HMCN1: variants seen among roughly 807,000 people sequenced by gnomAD.
The protein encoded by HMCN1 is hemicentin-1.
In HMCN1, 321 loss-of-function variants were observed where a neutral mutation model predicts 625.9. That is an observed-to-expected ratio of 0.51 (90% CI 0.47 to 0.56). HMCN1 has a LOEUF of 0.56. HMCN1 is among the 20% of genes least tolerant of loss of function. The pLI is 0.00. For synonymous variants in HMCN1, 2,425 were observed against 2,417.6 expected (o/e 1.00, Z -0.09); for missense variants, 6,588 against 6,887.3 (o/e 0.96, Z 1.54).
At chr1:186,166,771 T>G (rs758329977) in intron 99 of HMCN1, 37 bp from the exon 100 acceptor site, 1 of 1,614,008 alleles carries the variant, frequency 6.2e-7, no homozygotes, top group Non-Finnish European at 8.5e-7. Context: ...TGGGTGTTCT[T>G]CAGCTCACCT....
At chr1:186,001,459 C>T in intron 27 of HMCN1, 31 bp downstream of exon 27, 3 of 1,610,062 alleles carry the variant, frequency 1.9e-6, no homozygotes, top group Non-Finnish European at 2.5e-6. Context: ...ACGTGTAATT[C>T]CTTGCCTCTG....
chr1:185,913,990 TA>T (rs1666565968), intron 6 of HMCN1, among the ~76,000 whole-genome samples: 1 of 152,046 alleles, frequency 6.6e-6, no homozygotes, highest in South Asian at 2.1e-4. Context: ...AAGGGAACAA[TA>T]AAAAGACACA....
intron 1 of HMCN1, among the ~76,000 whole-genome samples, chr1:185,830,761 G>T (rs532762970): frequency 2.6e-5 from 4 of 152,042 alleles, no homozygotes; most frequent in Non-Finnish European, 5.9e-5. Flanking sequence ...GGTGGTGTGT[G>T]CCTGTAGTCT....
Position 186,189,816 on chromosome 1 carries a change from G to A in HMCN1, c.16846G>A (p.Gly5616Arg). ...RVRASSYSANGTIEYQTTFIV... is the reference protein window; with the variant it reads ...RVRASSYSANRTIEYQTTFIV... ...CCGAGCCTCATCCTACAGTGCCAAT[G>A]GGACCATTGAATATCAGACCACATT... Residue 5616 changes from glycine to arginine, a missense_variant, in exon 107 of 107, where the codon GGG becomes AGG. This residue lies in a region of HMCN1 where 1,954 missense variants were observed against 2,013.1 expected (regional missense o/e 0.97). Transcript: ENST00000271588. The A allele has an allele frequency of 6.2e-7, 1 of 1,613,774 alleles. No individual in the cohort carries two copies. Among genetic ancestry groups the A allele is most frequent in the Non-Finnish European group, 8.5e-7 (1 of 1,179,838 alleles).
chr1:186,009,123 A>C (rs1653826176), intron 30 of HMCN1, among the ~76,000 whole-genome samples: 1 of 152,160 alleles, frequency 6.6e-6, no homozygotes. Flanking sequence ...CAGACTTTTA[A>C]ACAATAGGTG....
At chr1:185,790,165 C>T (rs1195245298) in intron 1 of HMCN1, among the ~76,000 whole-genome samples, 1 of 152,214 alleles carries the variant, frequency 6.6e-6, no homozygotes, top group Non-Finnish European at 1.5e-5. Flanking sequence ...AACTAACAAG[C>T]CCTTCAAACT....
At chr1:186,106,377 A>G (rs1239966494) in intron 69 of HMCN1, among the ~76,000 whole-genome samples, 7 of 152,174 alleles carry the variant, frequency 4.6e-5, no homozygotes, top group Non-Finnish European at 1.5e-5. Context: ...CCTATTTCTC[A>G]TATTACATAA....
chr1:185,940,679 A>T (rs1571589390), intron 11 of HMCN1, among the ~76,000 whole-genome samples: 1 of 152,334 alleles, frequency 6.6e-6, no homozygotes, highest in East Asian at 1.9e-4. Context: ...TTTACTTTTG[A>T]GAAGGCTGGC....
intron 36 of HMCN1, among the ~76,000 whole-genome samples, chr1:186,036,189 G>A (rs1367222936): frequency 2.0e-5 from 3 of 151,764 alleles, no homozygotes; most frequent in Non-Finnish European, 2.9e-5. Flanking sequence ...GTTTTTATTT[G>A]TGCTCCTTAT....
chr1:185,963,344 G>A (rs1052327771), intron 12 of HMCN1, among the ~76,000 whole-genome samples: 3 of 152,028 alleles, frequency 2.0e-5, no homozygotes, highest in African/African-American at 7.2e-5. Flanking sequence ...ACATCTCTAA[G>A]GTTTTCATTG....
At position 186,007,213 on chromosome 1, in the gene HMCN1, G is replaced by A. The variant is rs1228017642; in HGVS notation, c.4561G>A (p.Gly1521Arg). 6.2e-7 allele frequency: 1 copy of A among 1,613,386 alleles called. No homozygotes were observed. The highest frequency in any genetic ancestry group is 8.5e-7 in the Non-Finnish European group (1 of 1,179,590). Residue 1521 changes from glycine (G) to arginine (R), a missense_variant, in exon 30 of 107, where the codon GGG becomes AGG. By Grantham distance (125) the Gly-to-Arg change is moderately radical (BLOSUM62 -2). Coordinates refer to ENST00000271588, the MANE Select transcript of HMCN1 (RefSeq NM_031935.3). The stretch of plus-strand genomic sequence containing the variant: ...AAAGAATGCACGGAGAAATGACAAG[G>A]GGCGCTACCAATGTACTGTGTCTAA... ...HLKNARRNDKGRYQCTVSNAA... is the reference protein window; with the variant it reads ...HLKNARRNDKRRYQCTVSNAA...
rs201254359 is a variant in HMCN1, at chr1:186,119,173, AT to A, written c.11849-10del. 376 of 1,575,252 alleles carry A rather than the reference AT, an allele frequency of 2.4e-4. No homozygotes were observed. Among genetic ancestry groups the A allele is most frequent in the Non-Finnish European group, 3.1e-4 (360 of 1,145,050 alleles). On this transcript the variant is annotated splice_polypyrimidine_tract_variant and intron_variant, in intron 77 of 106. Transcript: ENST00000271588. ...ACTGAGATGCAGTATATATTAAAACATTTTTTTTCATTTTTAGGAGCAATTG... is the reference window on the plus strand; with the variant it reads ...ACTGAGATGCAGTATATATTAAAACATTTTTTTCATTTTTAGGAGCAATTG...
intron 1 of HMCN1, among the ~76,000 whole-genome samples, chr1:185,766,246 A>G (rs1433061554): frequency 6.6e-6 from 1 of 152,134 alleles, no homozygotes; most frequent in African/African-American, 2.4e-5. Context: ...AAGCATGAGA[A>G]TGCTGAAAAA....
chr1:186,003,669 C>A, intron 28 of HMCN1, 49 bp from the exon 29 acceptor site: 1 of 1,601,220 alleles, frequency 6.2e-7, no homozygotes, highest in Non-Finnish European at 8.6e-7. Context: ...CCCATGCCTG[C>A]TCTTTTTGCT....
At chr1:185,883,771 C>T (rs751439046) in intron 4 of HMCN1, among the ~76,000 whole-genome samples, 40 of 150,990 alleles carry the variant, frequency 2.6e-4, no homozygotes, top group Admixed American at 7.9e-4. Context: ...ATTTTAATTT[C>T]ACTGTGGTTT....
At chr1:185,953,869 A>G (rs1386513759) in intron 11 of HMCN1, among the ~76,000 whole-genome samples, 1 of 151,266 alleles carries the variant, frequency 6.6e-6, no homozygotes, top group Non-Finnish European at 1.5e-5. Flanking sequence ...GAGAGTCAGC[A>G]AAGGGAGATA....
chr1:185,766,670 T>A (rs1040382247), intron 1 of HMCN1, among the ~76,000 whole-genome samples: 1 of 152,168 alleles, frequency 6.6e-6, no homozygotes, highest in Admixed American at 6.5e-5. Context: ...GAATTTAGTT[T>A]AAGGTTGTTC....
intron 97 of HMCN1, among the ~76,000 whole-genome samples, chr1:186,156,773 C>T (rs1427791171): frequency 6.6e-6 from 1 of 152,116 alleles, no homozygotes; most frequent in Non-Finnish European, 1.5e-5. Context: ...TATGGCACAG[C>T]TATATAATAA....
At chr1:185,818,268 T>G (rs1659966267) in intron 1 of HMCN1, among the ~76,000 whole-genome samples, 1 of 152,236 alleles carries the variant, frequency 6.6e-6, no homozygotes, top group African/African-American at 2.4e-5. Context: ...CATGACAGTG[T>G]GGGCTTATCA....
Sources: gnomAD v4.1 joint callset for allele counts (sites outside exome capture counted in the v4.1 genomes callset) on GRCh38, gnomAD v4.1.1 for gene constraint, gnomAD v4.1.1 regional missense constraint, MANE v1.5 for transcripts, NCBI Gene and HGNC (gene_info 2026-07-23, HGNC 2026-07-21) for gene names.